The following CCDC73 variants were observed in gnomAD, a reference collection of about 807,000 sequenced individuals.
CCDC73 encodes coiled-coil domain containing 73.
CCDC73 carries 95 observed loss-of-function variants against 116.5 expected under a neutral mutation model. The ratio of observed to expected loss-of-function variants is 0.82; its 90% CI spans 0.69 to 0.97. The LOEUF is 0.97. Ranked by LOEUF, CCDC73 falls within the 50% of genes least tolerant of loss-of-function variation. The probability of loss-of-function intolerance (pLI) is 0.00; values close to 1 mark genes in which losing one functional copy is unlikely to be tolerated. For synonymous variants in CCDC73, 398 were observed against 401.3 expected, an observed-to-expected ratio of 0.99 and a Z score of 0.10; for missense variants, 1,066 against 1,206.8, an observed-to-expected ratio of 0.88 and a Z score of 1.73.
chr11:32,775,562 G>C lies in CCDC73; in HGVS notation c.-15-15304C>G, dbSNP rs533218386. 9.7e-4 allele frequency among the ~76,000 whole-genome samples: 147 copies of C among 152,180 alleles called. 1 individual carries two copies. Among genetic ancestry groups the C allele is most frequent in the African/African-American group, 3.4e-3 (141 of 41,540 alleles). On this transcript the variant is annotated intron_variant, in intron 1 of 17. Transcript: ENST00000335185. ...TCAAAATCTCTTCTACTTTGGCCAT[G>C]CTGTGTCTTCAGCACCTAGGACATG...
chr11:32,695,488 G>T (rs1856302186), intron 6 of CCDC73, among the ~76,000 whole-genome samples: 1 of 152,112 alleles, frequency 6.6e-6, no homozygotes, highest in South Asian at 2.1e-4. Flanking sequence ...TTAACATTTG[G>T]TGCTCTGTGG....
At chr11:32,661,586 G>A (rs539329777) in intron 9 of CCDC73, among the ~76,000 whole-genome samples, 3 of 151,992 alleles carry the variant, frequency 2.0e-5, no homozygotes, top group South Asian at 2.1e-4. Context: ...TGCTGAGAAC[G>A]ATGGTTTCCA....
Position 32,699,120 on chromosome 11 carries a change from A to G in CCDC73, c.390+131T>C. On this transcript the variant is annotated intron_variant, in intron 6 of 17. Coordinates refer to ENST00000335185, the MANE Select transcript of CCDC73 (RefSeq NM_001008391.4). The stretch of plus-strand genomic sequence containing the variant: ...TAAAACAAGGCTCTCAGGAAAAAGT[A>G]TTAAATTATGTAATATATTAGATAT... The G allele has an allele frequency of 6.1e-6, 6 of 989,482 alleles. No individual in the cohort carries two copies. The South Asian group carries it at 2.2e-4, about 36-fold the overall frequency. The allele number at this position is 989,482 out of a possible 1,614,324, so 61.3% of individuals were successfully genotyped here.
intron 1 of CCDC73, among the ~76,000 whole-genome samples, chr11:32,776,934 A>ATATATATATATATATATATAT (rs1554970176): frequency 3.3e-5 from 1 of 30,178 alleles, no homozygotes; most frequent in South Asian, 1.2e-3. Context: ...TTAAAAAAAA[A>ATATATATATATATATATATAT]AAATATATAT....
chr11:32,762,590 C>T (rs980311534), intron 1 of CCDC73, among the ~76,000 whole-genome samples: 1 of 151,386 alleles, frequency 6.6e-6, no homozygotes, highest in Non-Finnish European at 1.5e-5. Flanking sequence ...GCAAATAAAG[C>T]GTAAAGGAAA....
At chr11:32,760,829 G>A (rs984263001) in intron 1 of CCDC73, among the ~76,000 whole-genome samples, 2 of 152,168 alleles carry the variant, frequency 1.3e-5, no homozygotes, top group African/African-American at 4.8e-5. Flanking sequence ...AATGTACGGT[G>A]AAGTCCTATA....
At chr11:32,746,952 CA>C (rs1191636435) in intron 2 of CCDC73, among the ~76,000 whole-genome samples, 1 of 152,142 alleles carries the variant, frequency 6.6e-6, no homozygotes, top group Non-Finnish European at 1.5e-5. Flanking sequence ...ATTCTCTGTC[CA>C]GTTTTTTTCC....
At chr11:32,729,599 C>A (rs1850058050) in intron 2 of CCDC73, among the ~76,000 whole-genome samples, 2 of 152,290 alleles carry the variant, frequency 1.3e-5, no homozygotes, top group Non-Finnish European at 2.9e-5. Context: ...GAGGAATCAC[C>A]ACACCATCTT....
At chr11:32,791,995 C>T (rs33997544) in intron 1 of CCDC73, among the ~76,000 whole-genome samples, 1 of 68,710 alleles carries the variant, frequency 1.5e-5, no homozygotes, top group African/African-American at 5.1e-5. Flanking sequence ...CACACATACA[C>T]ACACACACAC....
At chr11:32,671,104 C>T (rs1298557059) in intron 9 of CCDC73, among the ~76,000 whole-genome samples, 1 of 152,072 alleles carries the variant, frequency 6.6e-6, no homozygotes, top group Non-Finnish European at 1.5e-5. Context: ...ATTAGTGCAG[C>T]AAATAAACAG....
At chr11:32,809,758 C>T in the CCDC73 span, among the ~76,000 whole-genome samples, 1 of 152,134 alleles carries the variant, frequency 6.6e-6, no homozygotes, top group Admixed American at 6.5e-5. Flanking sequence ...GTGATCATGA[C>T]CTAATCCTTG....
chr11:32,681,186 T>C (rs893192653), intron 7 of CCDC73: 2 of 151,966 alleles, frequency 1.3e-5, no homozygotes, highest in African/African-American at 4.8e-5. Context: ...AGAAAAACAA[T>C]ACGACAATGG....
intron 6 of CCDC73, among the ~76,000 whole-genome samples, chr11:32,686,888 A>T (rs1856206974): frequency 6.6e-6 from 1 of 152,216 alleles, no homozygotes; most frequent in African/African-American, 2.4e-5. Context: ...TTAATATCAC[A>T]TATAGGCATA....
chr11:32,714,161 C>T (rs1165402462), intron 3 of CCDC73, among the ~76,000 whole-genome samples: 2 of 152,032 alleles, frequency 1.3e-5, no homozygotes, highest in South Asian at 2.1e-4. Flanking sequence ...CCCCCATCAT[C>T]CTCAAACTTG....
At chr11:32,627,798 C>G (rs911493844) in intron 14 of CCDC73, among the ~76,000 whole-genome samples, 13 of 152,100 alleles carry the variant, frequency 8.5e-5, no homozygotes, top group Non-Finnish European at 1.5e-4. Context: ...GGAAGGGAAT[C>G]ATCACACACC....
intron 6 of CCDC73, among the ~76,000 whole-genome samples, chr11:32,687,306 C>T (rs748321328): frequency 6.6e-6 from 1 of 152,134 alleles, no homozygotes; most frequent in Non-Finnish European, 1.5e-5. Context: ...GGGCAGTCTA[C>T]TGTGGGGAGT....
intron 2 of CCDC73, among the ~76,000 whole-genome samples, chr11:32,740,164 G>A (rs1440101870): frequency 6.6e-6 from 1 of 151,708 alleles, no homozygotes; most frequent in Non-Finnish European, 1.5e-5. Context: ...TTTGTAATGT[G>A]TCTTTGTCTG....
chr11:32,808,827 GCA>G, the CCDC73 span, among the ~76,000 whole-genome samples: 1 of 152,222 alleles, frequency 6.6e-6, no homozygotes, highest in Admixed American at 6.5e-5. Flanking sequence ...GCCAAATAAA[GCA>G]CACAGAACTC....
chr11:32,637,017 CTTTTTTT>C (rs71063750), intron 13 of CCDC73, among the ~76,000 whole-genome samples: 4 of 87,960 alleles, frequency 4.5e-5, no homozygotes, highest in East Asian at 2.6e-4. Context: ...TTTTCTTTTT[CTTTTTTT>C]TTTTTTTTTT....
Sources: allele counts gnomAD v4.1 joint callset (sites outside exome capture counted in the v4.1 genomes callset), GRCh38; gene constraint gnomAD v4.1.1; transcripts MANE v1.5; gene names NCBI Gene and HGNC (gene_info 2026-07-23, HGNC 2026-07-21).